SNRNP48: variants seen among roughly 807,000 people sequenced by gnomAD.
SNRNP48 encodes the protein U11/U12 small nuclear ribonucleoprotein 48 kDa protein.
Under a neutral mutation model 47.0 loss-of-function variants are expected in SNRNP48, and 43 were observed. The ratio of observed to expected loss-of-function variants is 0.92; its 90% CI spans 0.72 to 1.18. The LOEUF (loss-of-function observed/expected upper bound fraction) is 1.18, where lower values mean the gene tolerates loss of function less well. SNRNP48 is among the 50% of genes most tolerant of loss of function. The pLI, the probability that SNRNP48 is intolerant of heterozygous loss-of-function variation, is 0.00. For synonymous variants in SNRNP48, 138 were observed against 144.0 expected, an observed-to-expected ratio of 0.96 and a Z score of 0.30; for missense variants, 396 against 422.2, an observed-to-expected ratio of 0.94 and a Z score of 0.54.
In SNRNP48 at chr6:7,595,090, G is replaced by A. The variant is rs1759880813; in HGVS notation, c.395G>A (p.Cys132Tyr). 3 of 1,594,792 alleles carry A rather than the reference G, an allele frequency of 1.9e-6. No individual in the cohort carries two copies. Among genetic ancestry groups the A allele is most frequent in the African/African-American group, 2.7e-5 (2 of 73,438 alleles). ...ACTGCAGTTGGGAAAGACAGTGATT[G>A]TTATAATCAAAGTAAGTGGCATTAC... ...ARTAVGKDSD[C>Y]YNQRIYSSLP... The change falls in exon 4 of 9, where the codon TGT becomes TAT. Residue 132 changes from cysteine (C) to tyrosine (Y), a missense_variant. Physicochemically the swap from Cys to Tyr is radical, Grantham distance 194. Transcript: ENST00000342415.
chr6:7,597,520 A>AG (rs558504974), intron 4 of SNRNP48, among the ~76,000 whole-genome samples: 292 of 152,340 alleles, frequency 1.9e-3, no homozygotes, highest in African/African-American at 6.8e-3. Context: ...CAAAACTCTC[A>AG]TAGAGTTGTT....
At position 7,606,181 on chromosome 6, in the gene SNRNP48, A is replaced by C. The variant is rs769711175; in HGVS notation, c.957A>C (p.Arg319Ser). Residue 319 changes from arginine (R) to serine (S), a missense_variant, in exon 8 of 9, where the codon AGA becomes AGC. Transcript: ENST00000342415. ...ATAAGGATAAAAACTGTGAGTCGAG[A>C]AGAAGGAAAGAGAGGTGGGTCTAAC... Reference protein sequence around the residue: ...NKDKDKNCESRRRKERDGERH... With the variant: ...NKDKDKNCESSRRKERDGERH... The C allele has an allele frequency of 1.2e-6, 2 of 1,610,468 alleles. No individual in the cohort carries two copies. The highest frequency in any genetic ancestry group is 1.7e-6 in the Non-Finnish European group (2 of 1,178,816).
At chr6:7,600,354 G>A in intron 4 of SNRNP48, 1 of 255,740 alleles carries the variant, frequency 3.9e-6, no homozygotes, top group Non-Finnish European at 6.2e-6. Flanking sequence ...TCAAATATAA[G>A]TATCTGGAAA....
intron 3 of SNRNP48, 146 bp from the exon 4 acceptor site, chr6:7,594,881 T>G: frequency 1.6e-6 from 1 of 634,260 alleles, no homozygotes; most frequent in African/African-American, 1.9e-5. Flanking sequence ...TGTGTTCAGA[T>G]TTCATAGACA....
At chr6:7,608,710 T>G in intron 8 of SNRNP48, 115 bp from the exon 9 acceptor site, 1 of 401,230 alleles carries the variant, frequency 2.5e-6, no homozygotes, top group Non-Finnish European at 4.5e-6. Flanking sequence ...TCAAATAGAA[T>G]GTTAAAGTAG....
Position 7,609,009 on chromosome 6 carries a change from T to C in SNRNP48, c.*136T>C, listed in dbSNP as rs1171886817. 11 of 407,286 alleles carry C rather than the reference T, an allele frequency of 2.7e-5. No homozygotes were observed. Among genetic ancestry groups the C allele is most frequent in the Non-Finnish European group, 4.4e-5 (10 of 228,916 alleles). 25.2% of individuals were successfully genotyped at this position (407,286 alleles called of 1,614,324 possible). Reference sequence around the variant, plus strand: ...CTTATTATTTTTTTTATGATCTGTTTAGTGCTTATTATTTTCCAGTAAATA... The same window carrying C: ...CTTATTATTTTTTTTATGATCTGTTCAGTGCTTATTATTTTCCAGTAAATA... On this transcript the variant is annotated 3_prime_UTR_variant, in exon 9 of 9. Transcript: ENST00000342415.
chr6:7,601,093 T>G, intron 4 of SNRNP48: 1 of 323,874 alleles, frequency 3.1e-6, no homozygotes, highest in Non-Finnish European at 5.5e-6. Context: ...GGATCTGTCT[T>G]TATATTGTTG....
chr6:7,593,485 T>C (rs1382025980), intron 1 of SNRNP48, among the ~76,000 whole-genome samples: 2 of 152,032 alleles, frequency 1.3e-5, no homozygotes, highest in Admixed American at 6.5e-5. Flanking sequence ...GTTTAGACAG[T>C]GAGTGTAAAT....
chr6:7,608,842 A>G lies in SNRNP48; in HGVS notation c.989A>G (p.His330Arg). Residue 330 changes from histidine to arginine, a missense_variant, in exon 9 of 9, where the codon CAT (histidine) becomes CGT (arginine). By Grantham distance (29) the His-to-Arg change is conservative. Transcript: ENST00000342415. ...TATTTCAGGGATGGGGAAAGACACC[A>G]TAGTCATAAAAGAAGAAAGCAAAAA... ...RRKERDGERH[H>R]SHKRRKQKI 1.3e-6 allele frequency: 2 copies of G among 1,521,776 alleles called. No individual in the cohort carries two copies. Among genetic ancestry groups the G allele is most frequent in the Non-Finnish European group, 8.9e-7 (1 of 1,117,564 alleles). The allele number at this position is 1,521,776 out of a possible 1,614,324, so 94.3% of individuals were successfully genotyped here.
intron 6 of SNRNP48, 142 bp from the exon 7 acceptor site, chr6:7,605,256 C>T (rs760672638): frequency 3.2e-6 from 2 of 630,456 alleles, no homozygotes; most frequent in Non-Finnish European, 5.5e-6. Flanking sequence ...TTTCTGTGTT[C>T]TCTAAACTGC....
intron 6 of SNRNP48, among the ~76,000 whole-genome samples, chr6:7,603,516 G>A (rs1760069959): frequency 6.6e-6 from 1 of 152,102 alleles, no homozygotes; most frequent in Admixed American, 6.6e-5. Context: ...CTTTAGTCAA[G>A]CATGTCTCTT....
rs778461752 is a variant in SNRNP48, at chr6:7,590,266, C to T, written c.9C>T (p.Gly3=). The change falls in exon 1 of 9, where the codon GGC becomes GGT. Residue 3 remains glycine, a synonymous_variant. Coordinates refer to ENST00000342415, the MANE Select transcript of SNRNP48 (RefSeq NM_152551.4). The part of the protein sequence containing the change: ME[G]EPPPVEERRR... ...GCGGGTGGGCTGCAGCTATGGAGGG[C>T]GAGCCTCCACCTGTGGAGGAGCGGC... is the stretch of plus-strand genomic sequence containing the variant. 1.5e-6 allele frequency: 2 copies of T among 1,336,932 alleles called. No individual in the cohort carries two copies. Among genetic ancestry groups the T allele is most frequent in the East Asian group, 2.8e-5 (1 of 35,350 alleles). 82.8% of individuals were successfully genotyped at this position (1,336,932 alleles called of 1,614,324 possible).
At chr6:7,590,499 G>T (rs1759796712) in intron 1 of SNRNP48, 86 bp downstream of exon 1, 2 of 1,230,342 alleles carry the variant, frequency 1.6e-6, no homozygotes. Flanking sequence ...TGGCAGCCGC[G>T]GAGGGAAGGG....
At chr6:7,602,965 T>C (rs866081726) in intron 6 of SNRNP48, among the ~76,000 whole-genome samples, 40 of 152,224 alleles carry the variant, frequency 2.6e-4, no homozygotes, top group Admixed American at 9.8e-4. Context: ...TCTTAAAAGA[T>C]ATCTCCTTGT....
At chr6:7,605,981 T>C in intron 7 of SNRNP48, 50 bp from the exon 8 acceptor site, 1 of 1,544,832 alleles carries the variant, frequency 6.5e-7, no homozygotes, top group Non-Finnish European at 8.7e-7. Flanking sequence ...GTACGTATAC[T>C]GGAGACCAGT....
chr6:7,601,186 C>T (rs1760012437), intron 4 of SNRNP48, 150 bp from the exon 5 acceptor site: 2 of 520,162 alleles, frequency 3.8e-6, no homozygotes, highest in South Asian at 3.3e-5. Context: ...TCATTTATTG[C>T]TTAGATTGAT....
chr6:7,596,980 C>T (rs1333368688), intron 4 of SNRNP48, among the ~76,000 whole-genome samples: 3 of 152,166 alleles, frequency 2.0e-5, no homozygotes, highest in African/African-American at 7.2e-5. Flanking sequence ...ATAAGAAAAA[C>T]CCTGTCTGAT....
At chr6:7,606,497 C>T (rs1226459158) in intron 8 of SNRNP48, among the ~76,000 whole-genome samples, 13 of 152,176 alleles carry the variant, frequency 8.5e-5, no homozygotes, top group Admixed American at 7.2e-4. Flanking sequence ...CTGTTAAACA[C>T]GGTTTTCCCA....
chr6:7,599,578 G>T, intron 4 of SNRNP48: 1 of 652,414 alleles, frequency 1.5e-6, no homozygotes, highest in Non-Finnish European at 2.2e-6. Context: ...GTTTATTTAA[G>T]TATGTTTATC....
Sources: allele counts gnomAD v4.1 joint callset (sites outside exome capture counted in the v4.1 genomes callset), GRCh38; gene constraint gnomAD v4.1.1; transcripts MANE v1.5; gene names NCBI Gene and HGNC (gene_info 2026-07-23, HGNC 2026-07-21).